PLEKHG7: variants seen among roughly 807,000 people sequenced by gnomAD.
The protein encoded by PLEKHG7 is pleckstrin homology and RhoGEF domain containing G7, also known as pleckstrin homology domain-containing family G member 7.
In PLEKHG7, 77 loss-of-function variants were observed where a neutral mutation model predicts 85.2. That is an observed-to-expected ratio of 0.90 (90% CI 0.75 to 1.09). The LOEUF (loss-of-function observed/expected upper bound fraction) is 1.09, where lower values mean the gene tolerates loss of function less well. Ranked by LOEUF, PLEKHG7 falls within the 50% of genes least tolerant of loss-of-function variation. PLEKHG7 has a pLI of 0.00. For synonymous variants in PLEKHG7, 301 were observed against 302.4 expected (o/e 1.00, Z 0.05); for missense variants, 777 against 804.3 (o/e 0.97, Z 0.41).
At chr12:92,720,167 T>C (rs547580103) in intron 3 of PLEKHG7, among the ~76,000 whole-genome samples, 2 of 152,294 alleles carry the variant, frequency 1.3e-5, no homozygotes, top group East Asian at 3.9e-4. Flanking sequence ...AATCACAGTT[T>C]GGGCAGAGCC....
intron 9 of PLEKHG7, among the ~76,000 whole-genome samples, chr12:92,744,687 A>G (rs1298764209): frequency 6.8e-6 from 1 of 146,912 alleles, no homozygotes; most frequent in East Asian, 2.0e-4. Context: ...GGATATGGAG[A>G]TGGAGTCTCC....
chr12:92,735,037 C>CA (rs1254147922), intron 5 of PLEKHG7, among the ~76,000 whole-genome samples: 4 of 152,194 alleles, frequency 2.6e-5, no homozygotes, highest in African/African-American at 7.2e-5. Flanking sequence ...CTGGAATACC[C>CA]ACCCAGCCAT....
At chr12:92,763,945 T>C (rs1199319056) in intron 14 of PLEKHG7, 96 bp from the exon 15 acceptor site, 1 of 1,058,272 alleles carries the variant, frequency 9.4e-7, no homozygotes, top group Non-Finnish European at 1.3e-6. Context: ...TTTTAGGCAA[T>C]TGTTTCTCAG....
chr12:92,751,531 A>AG (rs1872689530), intron 10 of PLEKHG7, among the ~76,000 whole-genome samples: 2 of 103,556 alleles, frequency 1.9e-5, no homozygotes, highest in East Asian at 1.6e-3. Flanking sequence ...ATGCCTGGCT[A>AG]ATTTTTTTTT....
At chr12:92,707,386 G>T in intron 2 of PLEKHG7, 2 of 1,427,448 alleles carry the variant, frequency 1.4e-6, no homozygotes, top group Non-Finnish European at 1.8e-6. Context: ...GAGAAAGGAT[G>T]CACCAAGGCC....
chr12:92,718,796 G>A (rs75005995), intron 3 of PLEKHG7, among the ~76,000 whole-genome samples: 2,108 of 152,298 alleles, frequency 0.014, 43 homozygotes, highest in African/African-American at 0.049. Flanking sequence ...CTAGAAAGAA[G>A]GTGAGATTTC....
chr12:92,761,660 AAGAAAGAAAG>A, intron 13 of PLEKHG7, 82 bp from the exon 14 acceptor site: 2 of 1,331,906 alleles, frequency 1.5e-6, no homozygotes, highest in East Asian at 3.2e-5. Flanking sequence ...GAAAGAAAGA[AAGAAAGAAAG>A]AAAGAAAGAA....
intron 13 of PLEKHG7, among the ~76,000 whole-genome samples, chr12:92,758,506 C>G (rs781169614): frequency 2.0e-5 from 3 of 152,324 alleles, no homozygotes; most frequent in Admixed American, 6.5e-5. Flanking sequence ...GGAGCAGCTC[C>G]TGGTGGGTGA....
chr12:92,706,201 A>G lies in PLEKHG7; in HGVS notation c.-161-270A>G, dbSNP rs1351024167. Among the ~76,000 whole-genome samples the G allele has an allele frequency of 3.3e-5, 5 of 152,208 alleles. No homozygotes were observed. The East Asian group carries it at 9.6e-4, about 29-fold the overall frequency. On this transcript the variant is annotated intron_variant, in intron 1 of 16. Coordinates refer to ENST00000344636, the MANE Select transcript of PLEKHG7 (RefSeq NM_001377329.1). ...AGGAGCTATGTGGTTTCCAGGAAGT[A>G]CCTTAAGTTACCAAAGTTTTTAAAG...
At chr12:92,735,623 C>A (rs2136597964) in intron 5 of PLEKHG7, among the ~76,000 whole-genome samples, 1 of 152,294 alleles carries the variant, frequency 6.6e-6, no homozygotes, top group African/African-American at 2.4e-5. Flanking sequence ...TAGCTTCTTC[C>A]TGCTTTGGTT....
intron 5 of PLEKHG7, among the ~76,000 whole-genome samples, chr12:92,734,604 G>C (rs1872085603): frequency 6.6e-6 from 1 of 152,150 alleles, no homozygotes; most frequent in Admixed American, 6.5e-5. Flanking sequence ...CTTTGAGTCT[G>C]TTCTACCCCT....
At chr12:92,708,549 A>G (rs1006516299) in intron 3 of PLEKHG7, 5 of 152,220 alleles carry the variant, frequency 3.3e-5, no homozygotes, top group Admixed American at 6.5e-5. Context: ...TTAAAGTAAC[A>G]GACAGTTATT....
intron 3 of PLEKHG7, among the ~76,000 whole-genome samples, chr12:92,709,900 A>G (rs139432996): frequency 0.011 from 1,671 of 152,230 alleles, 10 homozygotes; most frequent in Non-Finnish European, 0.019. Flanking sequence ...TTTTCTTTAA[A>G]TAAGCTGGGT....
intron 5 of PLEKHG7, among the ~76,000 whole-genome samples, chr12:92,736,204 C>A (rs919245684): frequency 6.6e-6 from 1 of 151,880 alleles, no homozygotes; most frequent in Non-Finnish European, 1.5e-5. Context: ...TGCTATATGA[C>A]CATTCTGTGC....
intron 1 of PLEKHG7, among the ~76,000 whole-genome samples, chr12:92,705,985 C>G (rs757080908): frequency 1.2e-4 from 19 of 152,194 alleles, no homozygotes; most frequent in Non-Finnish European, 2.4e-4. Context: ...AAGACGTTGT[C>G]AGATACTTTA....
chr12:92,742,234 C>T (rs1205622695), intron 9 of PLEKHG7, among the ~76,000 whole-genome samples: 1 of 152,006 alleles, frequency 6.6e-6, no homozygotes, highest in African/African-American at 2.4e-5. Flanking sequence ...GAGCCAATAC[C>T]CTGTACACAA....
Position 92,706,714 on chromosome 12 carries a change from C to G in PLEKHG7, c.83C>G (p.Pro28Arg), listed in dbSNP as rs764749714. Residue 28 changes from proline to arginine, a missense_variant, in exon 2 of 17, where the codon CCA (proline) becomes CGA (arginine). Physicochemically the swap from Pro to Arg is moderately radical, Grantham distance 103. Around this residue, in one of 3 missense-constraint regions of PLEKHG7, gnomAD observed 252 missense variants for 241.9 expected, o/e 1.04. Transcript: ENST00000344636. ...ASPRPSLRSL[P>R]KNQGSLLQFD... is the part of the protein sequence containing the mutation. ...CCTCGGCCCTCGCTGAGGAGCCTGC[C>G]AAAGAACCAGGGGAGTCTCCTCCAG... 6.2e-7 allele frequency: 1 copy of G among 1,614,138 alleles called. No individual in the cohort carries two copies. The highest frequency in any genetic ancestry group is 1.1e-5 in the South Asian group (1 of 91,078).
chr12:92,750,808 C>T (rs1872669854), intron 10 of PLEKHG7, among the ~76,000 whole-genome samples: 1 of 152,110 alleles, frequency 6.6e-6, no homozygotes, highest in East Asian at 1.9e-4. Context: ...CAATGAGAAC[C>T]ACAGTCATTT....
At chr12:92,710,295 C>T (rs954434888) in intron 3 of PLEKHG7, among the ~76,000 whole-genome samples, 5 of 152,180 alleles carry the variant, frequency 3.3e-5, no homozygotes, top group African/African-American at 4.8e-5. Context: ...GTTGGCACTA[C>T]GATTGTGACT....
Sources: allele counts gnomAD v4.1 joint callset (sites outside exome capture counted in the v4.1 genomes callset), GRCh38; gene constraint gnomAD v4.1.1; regional missense constraint gnomAD v4.1.1; transcripts MANE v1.5; gene names NCBI Gene and HGNC (gene_info 2026-07-23, HGNC 2026-07-21).